USO1: variants seen among roughly 807,000 people sequenced by gnomAD.
The protein encoded by USO1 is general vesicular transport factor p115.
A neutral mutation model predicts 124.5 loss-of-function variants in USO1; 57 were observed. That is an observed-to-expected ratio of 0.46 (90% CI 0.37 to 0.57). The LOEUF is 0.57. USO1 is among the 20% of genes least tolerant of loss of function. The pLI is 0.00. For missense variants in USO1, 900 were observed against 1,040.6 expected, an observed-to-expected ratio of 0.86 and a Z score of 1.86; for synonymous variants, 369 against 362.8, an observed-to-expected ratio of 1.02 and a Z score of -0.19.
chr4:75,725,927 T>C (rs1054347607), intron 1 of USO1, among the ~76,000 whole-genome samples: 2 of 152,194 alleles, frequency 1.3e-5, no homozygotes, highest in African/African-American at 4.8e-5. Context: ...CTTTAATCGT[T>C]AACTACCCTG....
At chr4:75,755,608 G>A in intron 3 of USO1, 1 of 447,152 alleles carries the variant, frequency 2.2e-6, no homozygotes, top group Admixed American at 2.6e-5. Context: ...CTTCTCCCCA[G>A]ACAGTGTAAC....
In USO1 at chr4:75,756,092, C is replaced by T. The variant is rs1577939539; in HGVS notation, c.219-1405C>T. On this transcript the variant is annotated intron_variant, in intron 3 of 23. Transcript: ENST00000514213. Reference sequence around the variant, plus strand: ...GGCTGAGGCAGGAGAATGGCAAGAACCCAGGAGGGGGAGCTTGCAGTGAGT... The same window carrying T: ...GGCTGAGGCAGGAGAATGGCAAGAATCCAGGAGGGGGAGCTTGCAGTGAGT... 2.6e-5 allele frequency among the ~76,000 whole-genome samples: 4 copies of T among 151,694 alleles called. 1 individual carries two copies. The highest frequency in any genetic ancestry group is 2.6e-4 in the Admixed American group (4 of 15,224).
chr4:75,742,506 TTTCTA>T (rs1380193551), intron 1 of USO1, among the ~76,000 whole-genome samples: 23 of 152,368 alleles, frequency 1.5e-4, no homozygotes, highest in South Asian at 1.0e-3. Context: ...TGTTAACACT[TTTCTA>T]TTCTGTAATC....
At chr4:75,749,995 C>T (rs978062481) in intron 1 of USO1, among the ~76,000 whole-genome samples, 5 of 152,124 alleles carry the variant, frequency 3.3e-5, no homozygotes, top group Non-Finnish European at 2.9e-5. Context: ...CCTCGTGATC[C>T]ACCCACCTCA....
At chr4:75,746,651 A>T (rs940092667) in intron 1 of USO1, among the ~76,000 whole-genome samples, 1 of 152,230 alleles carries the variant, frequency 6.6e-6, no homozygotes, top group Non-Finnish European at 1.5e-5. Flanking sequence ...AATAGCAAAC[A>T]TAATGCTTTC....
intron 1 of USO1, chr4:75,729,847 G>A: frequency 3.8e-6 from 1 of 264,028 alleles, no homozygotes. Flanking sequence ...GTCTCAGAAA[G>A]CAGAAGGGCT....
At position 75,804,274 on chromosome 4, in the gene USO1, T is replaced by A; in HGVS notation, c.2125+2T>A. The A allele has an allele frequency of 6.2e-7, 1 of 1,608,340 alleles. No homozygotes were observed. On this transcript the variant is annotated splice_donor_variant, in intron 18 of 23. Transcript: ENST00000514213. LOFTEE classifies it high-confidence loss of function. The stretch of plus-strand genomic sequence containing the variant: ...ATAATCTTCTTAAAATACAGCTAGG[T>A]AAGCATAGCTAAGCCATCACTATGA...
chr4:75,795,914 TTTTTGTTTTGTTTTGTTTTG>T (rs36105117), intron 13 of USO1, among the ~76,000 whole-genome samples: 3 of 150,132 alleles, frequency 2.0e-5, no homozygotes, highest in Admixed American at 6.7e-5. Context: ...GAAAGTGCTA[TTTTTGTTTTGTTTTGTTTTG>T]TTTTGTTTTG....
intron 12 of USO1, among the ~76,000 whole-genome samples, chr4:75,793,335 C>T (rs1328394604): frequency 6.6e-6 from 1 of 151,320 alleles, no homozygotes; most frequent in Non-Finnish European, 1.5e-5. Flanking sequence ...CTTAGCCTCC[C>T]GAGTAGCTGG....
intron 21 of USO1, among the ~76,000 whole-genome samples, chr4:75,809,649 T>C (rs1374935602): frequency 6.6e-6 from 1 of 152,224 alleles, no homozygotes; most frequent in Non-Finnish European, 1.5e-5. Context: ...TTTCCTCCGA[T>C]TCCCAGTAAC....
intron 7 of USO1, among the ~76,000 whole-genome samples, chr4:75,772,512 C>T (rs1721961028): frequency 6.6e-6 from 1 of 152,124 alleles, no homozygotes; most frequent in Non-Finnish European, 1.5e-5. Context: ...GCTGGGATTA[C>T]AGGCGTGAGC....
chr4:75,771,669 T>C (rs1371040577), intron 7 of USO1, among the ~76,000 whole-genome samples: 1 of 152,226 alleles, frequency 6.6e-6, no homozygotes, highest in East Asian at 1.9e-4. Flanking sequence ...TTGCCCTTAT[T>C]TGATTGAGTG....
intron 9 of USO1, among the ~76,000 whole-genome samples, chr4:75,785,694 C>T (rs1272926758): frequency 2.6e-5 from 4 of 152,030 alleles, no homozygotes; most frequent in African/African-American, 9.7e-5. Flanking sequence ...AGTAAAGACA[C>T]TCAACTGCTA....
In USO1 at chr4:75,800,784, G is replaced by C. The variant is rs766789517; in HGVS notation, c.1849G>C (p.Val617Leu). Residue 617 changes from valine to leucine, a missense_variant, in exon 16 of 24, where the codon GTA becomes CTA. Transcript: ENST00000514213. ...ATTTGATCATGAGTTTACGAAGCTG[G>C]TAAAAGAACTTGAAGGTAAGACTGA... ...MIFDHEFTKL[V>L]KELEGVITKA... 3 of 1,612,752 alleles carry C rather than the reference G, an allele frequency of 1.9e-6. No homozygotes were observed. Among genetic ancestry groups the C allele is most frequent in the South Asian group, 2.2e-5 (2 of 90,814 alleles).
chr4:75,779,655 A>C (rs181235568), intron 8 of USO1, among the ~76,000 whole-genome samples: 13 of 152,358 alleles, frequency 8.5e-5, no homozygotes, highest in Admixed American at 6.5e-4. Context: ...GCACAAGGAA[A>C]GTTGGAAGAA....
chr4:75,766,442 G>T (rs1033531451), intron 4 of USO1, among the ~76,000 whole-genome samples: 1 of 152,164 alleles, frequency 6.6e-6, no homozygotes, highest in Non-Finnish European at 1.5e-5. Flanking sequence ...GCAACGTCTG[G>T]AGACATTTTT....
intron 1 of USO1, among the ~76,000 whole-genome samples, chr4:75,748,391 A>G (rs921840757): frequency 1.4e-5 from 2 of 146,076 alleles, no homozygotes; most frequent in African/African-American, 5.1e-5. Context: ...GTTTTGCCAC[A>G]TTGCCTACAC....
At position 75,790,733 on chromosome 4, in the gene USO1, C is replaced by T. The variant is rs754238263; in HGVS notation, c.1176C>T (p.Phe392=). The change falls in exon 12 of 24, where the codon TTC becomes TTT. Residue 392 remains phenylalanine (F), a synonymous_variant. Transcript: ENST00000514213. The part of the protein sequence containing the change: ...RCAVLYCFQC[F]LYKNQKGQGE... ...CTGTTCTCTATTGTTTCCAGTGTTT[C>T]TTGTATAAAAACCAAAAAGGACAAG... 1.2e-6 allele frequency: 2 copies of T among 1,613,242 alleles called. No homozygotes were observed. Among genetic ancestry groups the T allele is most frequent in the South Asian group, 2.2e-5 (2 of 90,976 alleles).
At chr4:75,731,015 G>T (rs921975078) in intron 1 of USO1, among the ~76,000 whole-genome samples, 1 of 152,004 alleles carries the variant, frequency 6.6e-6, no homozygotes, top group Admixed American at 6.6e-5. Context: ...TGCTTAAAAC[G>T]ATGTCCTTTT....
Sources: gnomAD v4.1 joint callset for allele counts (sites outside exome capture counted in the v4.1 genomes callset) on GRCh38, gnomAD v4.1.1 for gene constraint, MANE v1.5 for transcripts, NCBI Gene and HGNC (gene_info 2026-07-23, HGNC 2026-07-21) for gene names.